The following RANBP2 variants were observed in gnomAD, a reference collection of about 807,000 sequenced individuals.
RANBP2 encodes the protein E3 SUMO-protein ligase RanBP2.
Under a neutral mutation model 303.6 loss-of-function variants are expected in RANBP2, and 57 were observed. The ratio of observed to expected loss-of-function variants is 0.19; its 90% CI spans 0.15 to 0.23. The LOEUF (loss-of-function observed/expected upper bound fraction) is 0.23. Ranked by LOEUF, RANBP2 falls within the 10% of genes least tolerant of loss-of-function variation. The pLI is 1.00. For synonymous variants in RANBP2, 1,167 were observed against 1,301.5 expected (o/e 0.90, Z 2.23); for missense variants, 3,138 against 3,780.8 (o/e 0.83, Z 4.46).
the RANBP2 span, among the ~76,000 whole-genome samples, chr2:109,147,252 C>A: frequency 1.3e-5 from 2 of 152,066 alleles, no homozygotes; most frequent in East Asian, 3.9e-4. Context: ...GAGGTTTGCT[C>A]GAAAGATGTA....
In RANBP2 at chr2:108,784,029, CT is replaced by C; in HGVS notation, c.*130del. ...CCGATTTACAAATGTAAAATTGCAGCTTATAGCTGTTGTCACTTTTTAATGT... is the reference window on the plus strand; with the variant it reads ...CCGATTTACAAATGTAAAATTGCAGCTATAGCTGTTGTCACTTTTTAATGT... On this transcript the variant is annotated 3_prime_UTR_variant, in exon 29 of 29. Coordinates refer to ENST00000283195, the MANE Select transcript of RANBP2 (RefSeq NM_006267.5). The C allele has an allele frequency of 2.2e-6, 2 of 899,832 alleles. No individual in the cohort carries two copies. The highest frequency in any genetic ancestry group is 1.7e-5 in the African/African-American group (1 of 59,628). The allele number at this position is 899,832 out of a possible 1,614,324, so 55.7% of individuals were successfully genotyped here.
the RANBP2 span, among the ~76,000 whole-genome samples, chr2:109,144,915 G>A: frequency 3.9e-5 from 6 of 152,258 alleles, no homozygotes; most frequent in Admixed American, 6.5e-5. Flanking sequence ...CTGGGGCGGT[G>A]TGGACACTGC....
downstream of RANBP2, chr2:108,786,776 T>G: frequency 2.0e-6 from 3 of 1,515,548 alleles, no homozygotes; most frequent in South Asian, 1.2e-5. Flanking sequence ...GCGCCGCGGG[T>G]TTGATGAACG....
the RANBP2 span, among the ~76,000 whole-genome samples, chr2:109,339,077 C>A: frequency 6.6e-6 from 1 of 152,126 alleles, no homozygotes; most frequent in Non-Finnish European, 1.5e-5. Flanking sequence ...TCATAAAGGT[C>A]TACATCTTCA....
the RANBP2 span, among the ~76,000 whole-genome samples, chr2:109,500,125 G>A: frequency 1.3e-5 from 2 of 152,182 alleles, no homozygotes; most frequent in African/African-American, 4.8e-5. Context: ...TTTGGCTGCC[G>A]TGAGGTTTCT....
chr2:108,976,553 C>T, the RANBP2 span, among the ~76,000 whole-genome samples: 3 of 152,190 alleles, frequency 2.0e-5, no homozygotes, highest in African/African-American at 7.2e-5. Context: ...TTAACCTCCT[C>T]AAGGGCACAG....
the RANBP2 span, among the ~76,000 whole-genome samples, chr2:109,578,379 G>A: frequency 1.3e-5 from 2 of 152,166 alleles, no homozygotes; most frequent in Admixed American, 6.5e-5. Context: ...AGACAATACT[G>A]ACATGGAAGC....
At chr2:109,210,550 A>G in the RANBP2 span, among the ~76,000 whole-genome samples, 1 of 152,210 alleles carries the variant, frequency 6.6e-6, no homozygotes, top group African/African-American at 2.4e-5. Flanking sequence ...GGGGCTTTCA[A>G]GAGCTCAGGG....
the RANBP2 span, among the ~76,000 whole-genome samples, chr2:108,959,545 G>T: frequency 6.6e-6 from 1 of 152,200 alleles, no homozygotes; most frequent in African/African-American, 2.4e-5. Context: ...AGGTTGTCAG[G>T]TTTCCAAGGG....
the RANBP2 span, among the ~76,000 whole-genome samples, chr2:109,370,229 C>CTCTGTG: frequency 7.2e-6 from 1 of 139,474 alleles, no homozygotes; most frequent in East Asian, 2.0e-4. Context: ...CTGTCTCTGT[C>CTCTGTG]TCTCTCTCTC....
the RANBP2 span, chr2:109,732,740 G>A: frequency 2.9e-6 from 2 of 699,986 alleles, no homozygotes; most frequent in Non-Finnish European, 5.3e-6. Context: ...GGTTTATGCA[G>A]GCAATCTTGG....
Position 108,763,576 on chromosome 2 carries a change from G to A in RANBP2, c.3037G>A (p.Glu1013Lys), listed in dbSNP as rs372297318. Residue 1013 changes from glutamate (E) to lysine (K), a missense_variant, in exon 20 of 29, where the codon GAA becomes AAA. Glu to Lys is a moderately conservative substitution (Grantham distance 56, BLOSUM62 1). Around this residue, in one of 20 missense-constraint regions of RANBP2, gnomAD observed 403 missense variants for 376.7 expected, o/e 1.07. Coordinates refer to ENST00000283195, the MANE Select transcript of RANBP2 (RefSeq NM_006267.5). Reference sequence around the variant, plus strand: ...TAATTTTGTTCAGCCCATGCCGGGTGAAGGATTAAGGCCATCTTTGCCAAC... The same window carrying A: ...TAATTTTGTTCAGCCCATGCCGGGTAAAGGATTAAGGCCATCTTTGCCAAC... The part of the protein sequence containing the change: ...KTNFVQPMPG[E>K]GLRPSLPTQA... 87 of 1,614,000 alleles carry A rather than the reference G, an allele frequency of 5.4e-5. No individual in the cohort carries two copies. Among genetic ancestry groups the A allele is most frequent in the Non-Finnish European group, 7.2e-5 (85 of 1,180,004 alleles).
chr2:109,703,994 C>A, the RANBP2 span, among the ~76,000 whole-genome samples: 1 of 152,152 alleles, frequency 6.6e-6, no homozygotes, highest in African/African-American at 2.4e-5. Context: ...TCTCCCACTG[C>A]CAATCACTTC....
chr2:109,442,858 G>A, the RANBP2 span, among the ~76,000 whole-genome samples: 2 of 152,220 alleles, frequency 1.3e-5, no homozygotes, highest in African/African-American at 4.8e-5. Flanking sequence ...AATCATGTAA[G>A]TAATCACACT....
At chr2:109,436,784 G>A in the RANBP2 span, 1 of 1,460,640 alleles carries the variant, frequency 6.8e-7, no homozygotes, top group Non-Finnish European at 9.1e-7. Flanking sequence ...AGATCAGTTG[G>A]CCTTCATCTC....
the RANBP2 span, among the ~76,000 whole-genome samples, chr2:109,238,338 A>G: frequency 5.3e-5 from 8 of 152,232 alleles, no homozygotes; most frequent in Non-Finnish European, 4.4e-5. Flanking sequence ...AAATCTATGC[A>G]CAGAGACAAG....
chr2:108,782,551 C>G lies in RANBP2; in HGVS notation c.9058C>G (p.Leu3020Val), dbSNP rs1310804933. 6.2e-7 allele frequency: 1 copy of G among 1,614,156 alleles called. No homozygotes were observed. Among genetic ancestry groups the G allele is most frequent in the South Asian group, 1.1e-5 (1 of 91,080 alleles). Residue 3020 changes from leucine to valine, a missense_variant, in exon 28 of 29, where the codon CTT (leucine) becomes GTT (valine). Transcript: ENST00000283195. Reference protein sequence around the residue: ...YADGEAKVEQLAVRFKTKEVA... With the variant: ...YADGEAKVEQVAVRFKTKEVA... ...AGATGGAGAAGCAAAAGTAGAACAG[C>G]TTGCAGTGAGATTTAAAACTAAAGA...
chr2:108,946,505 A>G, the RANBP2 span, among the ~76,000 whole-genome samples: 1 of 152,216 alleles, frequency 6.6e-6, no homozygotes, highest in Admixed American at 6.5e-5. Flanking sequence ...TAAAAAGTGG[A>G]ATTATATTAG....
At chr2:108,772,715 G>T in intron 22 of RANBP2, 134 bp downstream of exon 22, 1 of 1,214,578 alleles carries the variant, frequency 8.2e-7, no homozygotes, top group Non-Finnish European at 1.2e-6. Context: ...AAAACTAACA[G>T]GTGAAAATAT....
Sources: gnomAD v4.1 joint callset for allele counts (sites outside exome capture counted in the v4.1 genomes callset) on GRCh38, gnomAD v4.1.1 for gene constraint, gnomAD v4.1.1 regional missense constraint, MANE v1.5 for transcripts, NCBI Gene and HGNC (gene_info 2026-07-23, HGNC 2026-07-21) for gene names.